The following SMG7 variants were observed in gnomAD, a reference collection of about 807,000 sequenced individuals.
The protein encoded by SMG7 is SMG7 nonsense mediated mRNA decay factor.
SMG7 carries 34 observed loss-of-function variants against 148.2 expected under a neutral mutation model. The observed-to-expected ratio is 0.23, with a 90% CI of 0.17 to 0.31. The LOEUF is 0.31. Among genes scored for constraint, SMG7 ranks in the 10% least tolerant of loss-of-function variants. The probability of loss-of-function intolerance (pLI) is 1.00; values close to 1 mark genes in which losing one functional copy is unlikely to be tolerated. For synonymous variants in SMG7, 492 were observed against 515.1 expected (o/e 0.96, Z 0.61); for missense variants, 1,114 against 1,408.4 (o/e 0.79, Z 3.35).
chr1:183,482,658 A>G (rs976957255), intron 1 of SMG7, among the ~76,000 whole-genome samples: 1 of 152,150 alleles, frequency 6.6e-6, no homozygotes, highest in African/African-American at 2.4e-5. Flanking sequence ...TTATGTCATA[A>G]TTATTCCATT....
chr1:183,498,040 C>A (rs996016618), intron 1 of SMG7, among the ~76,000 whole-genome samples: 1 of 152,068 alleles, frequency 6.6e-6, no homozygotes, highest in Non-Finnish European at 1.5e-5. Flanking sequence ...TTTCAGAGAG[C>A]ACCTGGAAGT....
intron 10 of SMG7, among the ~76,000 whole-genome samples, 191 bp downstream of exon 10, chr1:183,534,023 C>CT (rs1415922709): frequency 6.6e-6 from 1 of 152,196 alleles, no homozygotes; most frequent in Non-Finnish European, 1.5e-5. Context: ...TCATGTGAGG[C>CT]TTAGTCTTAA....
Position 183,542,235 on chromosome 1 carries a change from A to C in SMG7, c.1575A>C (p.Ser525=). ...CAGATGGGAGCCCAGGGCTAAAATCAGTGCTATCTACAAGCCGAAATTTAA... is the reference window on the plus strand; with the variant it reads ...CAGATGGGAGCCCAGGGCTAAAATCCGTGCTATCTACAAGCCGAAATTTAA... ...LAADGSPGLK[S]VLSTSRNLSN... The change falls in exon 14 of 23, where the codon TCA becomes TCC. Residue 525 remains serine, a synonymous_variant. Transcript: ENST00000688051. 1 of 1,614,176 alleles carries C rather than the reference A, an allele frequency of 6.2e-7. No homozygotes were observed. Among genetic ancestry groups the C allele is most frequent in the Non-Finnish European group, 8.5e-7 (1 of 1,180,000 alleles).
At chr1:183,536,100 C>T (rs541191043) in intron 10 of SMG7, among the ~76,000 whole-genome samples, 43 of 152,128 alleles carry the variant, frequency 2.8e-4, no homozygotes, top group Non-Finnish European at 4.4e-4. Context: ...GGGCACTTCA[C>T]CTCATGCTTT....
At chr1:183,541,147 TA>T in intron 13 of SMG7, 44 bp downstream of exon 13, 1 of 1,594,726 alleles carries the variant, frequency 6.3e-7, no homozygotes, top group Non-Finnish European at 8.6e-7. Flanking sequence ...ACCACCTTTT[TA>T]GATAAACACA....
At chr1:183,506,051 C>T (rs1161779162) in intron 1 of SMG7, among the ~76,000 whole-genome samples, 1 of 152,188 alleles carries the variant, frequency 6.6e-6, no homozygotes, top group Non-Finnish European at 1.5e-5. Flanking sequence ...CTGGATTCTT[C>T]AGCTTCATTA....
chr1:183,536,986 T>TTTGAAAG (rs1182756569), intron 10 of SMG7, among the ~76,000 whole-genome samples, 159 bp from the exon 11 acceptor site: 2 of 152,140 alleles, frequency 1.3e-5, no homozygotes, highest in African/African-American at 4.8e-5. Context: ...CTAGTGTATC[T>TTTGAAAG]TTGAAAGTAC....
At chr1:183,511,558 C>G (rs1662171746) in intron 1 of SMG7, among the ~76,000 whole-genome samples, 1 of 152,124 alleles carries the variant, frequency 6.6e-6, no homozygotes, top group African/African-American at 2.4e-5. Context: ...GCCCGGAGAT[C>G]AAGGAGTGAA....
In SMG7 at chr1:183,532,239, A is replaced by T. The variant is rs1030919509; in HGVS notation, c.844-925A>T. On this transcript the variant is annotated intron_variant, in intron 8 of 22. Transcript: ENST00000688051. Reference sequence around the variant, plus strand: ...ACTGCTGGTAGAACTGTAAGTAAGGATTATCTGTTTTCCGCCATAATGCTA... The same window carrying T: ...ACTGCTGGTAGAACTGTAAGTAAGGTTTATCTGTTTTCCGCCATAATGCTA... Among the ~76,000 whole-genome samples the T allele has an allele frequency of 2.0e-5, 3 of 152,146 alleles. No individual in the cohort carries two copies. In the East Asian group the frequency reaches 5.8e-4, roughly 29 times the overall value.
At chr1:183,493,627 G>GC (rs1215244619) in intron 1 of SMG7, among the ~76,000 whole-genome samples, 1 of 152,148 alleles carries the variant, frequency 6.6e-6, no homozygotes, top group Non-Finnish European at 1.5e-5. Context: ...TGTCACCCAG[G>GC]CTGGAGTGCA....
chr1:183,541,161 C>T (rs775296287), intron 13 of SMG7, 58 bp downstream of exon 13: 26 of 1,450,372 alleles, frequency 1.8e-5, no homozygotes, highest in East Asian at 6.9e-5. Flanking sequence ...TAAACACATG[C>T]GCGCACACGC....
At chr1:183,523,574 A>G (rs1047923146) in intron 4 of SMG7, among the ~76,000 whole-genome samples, 6 of 152,222 alleles carry the variant, frequency 3.9e-5, no homozygotes, top group African/African-American at 1.2e-4. Context: ...GGGTCAACCT[A>G]TATGAAGGTA....
Position 183,526,745 on chromosome 1 carries a change from C to T in SMG7, c.462C>T (p.Cys154=). 3 of 1,613,288 alleles carry T rather than the reference C, an allele frequency of 1.9e-6. No homozygotes were observed. Among genetic ancestry groups the T allele is most frequent in the Non-Finnish European group, 2.5e-6 (3 of 1,179,570 alleles). The stretch of plus-strand genomic sequence containing the variant: ...CCTGTTCCTATATCTGCCAGCACTG[C>T]CTCGTCCACCTTGGAGACATTGGTG... ...SSSCSYICQH[C]LVHLGDIARY... The change falls in exon 5 of 23, where the codon TGC becomes TGT. Residue 154 remains cysteine, a synonymous_variant. Transcript: ENST00000688051.
chr1:183,552,798 C>T lies in SMG7; in HGVS notation c.*867C>T. The T allele has an allele frequency of 7.1e-7, 1 of 1,417,362 alleles. No individual in the cohort carries two copies. Among genetic ancestry groups the T allele is most frequent in the South Asian group, 1.6e-5 (1 of 63,392 alleles). The allele number at this position is 1,417,362 out of a possible 1,614,324, so 87.8% of individuals were successfully genotyped here. Reference sequence around the variant, plus strand: ...CACAGAAGGCAGGCTAGTCCATTCACAGCCTGACACGTTCTAATAGGTAGA... The same window carrying T: ...CACAGAAGGCAGGCTAGTCCATTCATAGCCTGACACGTTCTAATAGGTAGA... On this transcript the variant is annotated 3_prime_UTR_variant, in exon 23 of 23. Transcript: ENST00000688051.
intron 12 of SMG7, among the ~76,000 whole-genome samples, chr1:183,540,322 G>A (rs1374504470): frequency 2.0e-5 from 3 of 151,604 alleles, no homozygotes; most frequent in Non-Finnish European, 4.4e-5. Flanking sequence ...ATGCTTATCA[G>A]ATTGAATCAT....
chr1:183,533,409 G>A, intron 9 of SMG7, 83 bp downstream of exon 9: 5 of 1,397,484 alleles, frequency 3.6e-6, no homozygotes, highest in East Asian at 2.3e-5. Flanking sequence ...AAAGCACAGT[G>A]ACATAAAAAA....
chr1:183,545,356 G>A (rs753337534), intron 16 of SMG7, 44 bp downstream of exon 16: 42 of 1,566,778 alleles, frequency 2.7e-5, no homozygotes, highest in Non-Finnish European at 3.5e-5. Context: ...TGAAATAAGG[G>A]GAAATGCTGA....
rs762987034 is a variant in SMG7 at position 183,517,629 on chromosome 1, G to T, written c.180-59G>T. Reference sequence around the variant, plus strand: ...GACAGTTCTTTCTTGTTCTCAGGGGGACCAGTGTCTGCCCAGTGAGTCACT... The same window carrying T: ...GACAGTTCTTTCTTGTTCTCAGGGGTACCAGTGTCTGCCCAGTGAGTCACT... On this transcript the variant is annotated intron_variant, in intron 3 of 22. Transcript: ENST00000688051. 7.2e-6 allele frequency: 11 copies of T among 1,527,470 alleles called. No individual in the cohort carries two copies. In the African/African-American group the frequency reaches 8.2e-5, roughly 11 times the overall value. 94.6% of individuals were successfully genotyped at this position (1,527,470 alleles called of 1,614,324 possible). A position where few individuals can be genotyped will look rare whatever the true frequency, so the allele number is the denominator to read the frequency against.
chr1:183,545,188 C>G lies in SMG7; in HGVS notation c.2246C>G (p.Ala749Gly), dbSNP rs1312842856. 1.2e-6 allele frequency: 2 copies of G among 1,614,176 alleles called. No homozygotes were observed. Among genetic ancestry groups the G allele is most frequent in the East Asian group, 2.2e-5 (1 of 44,884 alleles). ...CAGCAACCCCTTACATCTTTACCAG[C>G]TCAGCCAACAGCACAGTCTACAAGC... ...PSQQPLTSLP[A>G]QPTAQSTSQL... The change falls in exon 16 of 23, where the codon GCT becomes GGT. Residue 749 changes from alanine to glycine, a missense_variant. Ala to Gly is a moderately conservative substitution (Grantham distance 60). Around this residue, in one of 4 missense-constraint regions of SMG7, gnomAD observed 788 missense variants for 894.5 expected, o/e 0.88. Transcript: ENST00000688051.
Sources: allele counts gnomAD v4.1 joint callset (sites outside exome capture counted in the v4.1 genomes callset), GRCh38; gene constraint gnomAD v4.1.1; regional missense constraint gnomAD v4.1.1; transcripts MANE v1.5; gene names NCBI Gene and HGNC (gene_info 2026-07-23, HGNC 2026-07-21).